Variants in KLHL32 observed in about 807,000 individuals in gnomAD.
The protein encoded by KLHL32 is kelch like family member 32.
Under a neutral mutation model 64.8 loss-of-function variants are expected in KLHL32, and 35 were observed. That is an observed-to-expected ratio of 0.54 (90% CI 0.41 to 0.72). KLHL32 has a LOEUF of 0.72. KLHL32 is among the 30% of genes least tolerant of loss of function. KLHL32 has a pLI of 0.00. For synonymous variants in KLHL32, 259 were observed against 281.0 expected, an observed-to-expected ratio of 0.92 and a Z score of 0.78; for missense variants, 589 against 768.5, an observed-to-expected ratio of 0.77 and a Z score of 2.76.
At position 97,094,322 on chromosome 6, in the gene KLHL32, C is replaced by G. The variant is rs77556005; in HGVS notation, c.627+8981C>G. On this transcript the variant is annotated intron_variant, in intron 6 of 10. Transcript: ENST00000369261. ...CAGAGGCTCTAGAATTATTTACATT[C>G]TAAGGAGATGTCAAGAGAAGCCTCA... Among the ~76,000 whole-genome samples, 182 of 152,188 alleles carry G rather than the reference C, an allele frequency of 1.2e-3. 4 individuals carry two copies. The East Asian group carries it at 0.03, about 25-fold the overall frequency.
chr6:97,092,894 T>C (rs1794468717), intron 6 of KLHL32, among the ~76,000 whole-genome samples: 1 of 152,220 alleles, frequency 6.6e-6, no homozygotes, highest in African/African-American at 2.4e-5. Context: ...GCAGTGATTA[T>C]CAGAAATTAC....
chr6:97,100,799 C>CTTTTTTT (rs763909891), intron 6 of KLHL32, among the ~76,000 whole-genome samples: 83 of 96,170 alleles, frequency 8.6e-4, no homozygotes, highest in Non-Finnish European at 1.0e-3. Context: ...GCTCATTATT[C>CTTTTTTT]TTTTTTTTTT....
chr6:97,025,694 A>T (rs1323943584), intron 3 of KLHL32, among the ~76,000 whole-genome samples: 1 of 152,218 alleles, frequency 6.6e-6, no homozygotes, highest in Non-Finnish European at 1.5e-5. Context: ...GCACCTGAGT[A>T]GGCACAGAAG....
rs929914321 is a variant in KLHL32 at position 97,140,524 on chromosome 6, A to C, written c.*1242A>C. Reference sequence around the variant, plus strand: ...TTTGTCTATAACAAAAAATAAATACAACAACTTAATAATCACATTTGAAAA... The same window carrying C: ...TTTGTCTATAACAAAAAATAAATACCACAACTTAATAATCACATTTGAAAA... On this transcript the variant is annotated 3_prime_UTR_variant, in exon 11 of 11. Coordinates refer to ENST00000369261, the MANE Select transcript of KLHL32 (RefSeq NM_052904.4). 6.6e-6 allele frequency: 1 copy of C among 152,060 alleles called. No individual in the cohort carries two copies. The highest frequency in any genetic ancestry group is 6.5e-5 in the Admixed American group (1 of 15,270). 9.4% of individuals were successfully genotyped at this position (152,060 alleles called of 1,614,324 possible).
chr6:97,018,520 G>A (rs1422200817), intron 3 of KLHL32, among the ~76,000 whole-genome samples: 1 of 150,828 alleles, frequency 6.6e-6, no homozygotes, highest in Non-Finnish European at 1.5e-5. Context: ...AGAATCGCCT[G>A]AACCAGGGAG....
chr6:96,949,305 T>C (rs1216835246), intron 1 of KLHL32, among the ~76,000 whole-genome samples: 1 of 150,154 alleles, frequency 6.7e-6, no homozygotes, highest in African/African-American at 2.5e-5. Flanking sequence ...TGAGTCTCCA[T>C]AGCTCCAGCT....
At chr6:96,971,478 A>C (rs1775095325) in intron 2 of KLHL32, among the ~76,000 whole-genome samples, 1 of 152,232 alleles carries the variant, frequency 6.6e-6, no homozygotes, top group South Asian at 2.1e-4. Context: ...TTCCAGAATG[A>C]AAGTTAAAGG....
chr6:97,010,040 A>G (rs1404818307), intron 3 of KLHL32, among the ~76,000 whole-genome samples: 2 of 151,594 alleles, frequency 1.3e-5, no homozygotes, highest in African/African-American at 4.8e-5. Flanking sequence ...AGAGGAAGGC[A>G]GAATAAACAA....
At chr6:97,019,131 T>A (rs1781641181) in intron 3 of KLHL32, among the ~76,000 whole-genome samples, 1 of 152,220 alleles carries the variant, frequency 6.6e-6, no homozygotes, top group African/African-American at 2.4e-5. Flanking sequence ...TAAAAAATAC[T>A]CTTAAAAGTC....
chr6:96,910,104 G>A, the KLHL32 span, among the ~76,000 whole-genome samples: 2 of 152,084 alleles, frequency 1.3e-5, no homozygotes, highest in African/African-American at 2.4e-5. Flanking sequence ...GGGAGTGGGC[G>A]CTGTAGCTGC....
chr6:96,935,001 G>A (rs1170236405), intron 1 of KLHL32, among the ~76,000 whole-genome samples: 1 of 152,204 alleles, frequency 6.6e-6, no homozygotes, highest in Non-Finnish European at 1.5e-5. Context: ...TAGGCATTTT[G>A]AAGAGATATG....
At chr6:96,968,490 GTGTC>G (rs1473608772) in intron 2 of KLHL32, among the ~76,000 whole-genome samples, 6 of 152,136 alleles carry the variant, frequency 3.9e-5, no homozygotes. Flanking sequence ...GGAGACCATG[GTGTC>G]TGTCTGTCAC....
At chr6:96,957,148 G>A (rs1349719784) in intron 1 of KLHL32, among the ~76,000 whole-genome samples, 1 of 152,178 alleles carries the variant, frequency 6.6e-6, no homozygotes, top group Admixed American at 6.5e-5. Flanking sequence ...ATGATTAATG[G>A]AAATGTATTA....
intron 1 of KLHL32, among the ~76,000 whole-genome samples, chr6:96,944,685 C>T (rs1771724489): frequency 6.6e-6 from 1 of 152,194 alleles, no homozygotes; most frequent in Non-Finnish European, 1.5e-5. Flanking sequence ...GGCTATATTA[C>T]TTGTTCAAGT....
At chr6:97,047,472 G>C (rs959100118) in intron 4 of KLHL32, among the ~76,000 whole-genome samples, 3 of 152,176 alleles carry the variant, frequency 2.0e-5, no homozygotes, top group Non-Finnish European at 2.9e-5. Context: ...AGCAAATGGT[G>C]ACATAAACTG....
At chr6:97,030,120 G>A (rs564469975) in intron 3 of KLHL32, among the ~76,000 whole-genome samples, 1 of 152,104 alleles carries the variant, frequency 6.6e-6, no homozygotes, top group East Asian at 1.9e-4. Flanking sequence ...AATGGGAGTC[G>A]CAGTGGTTTT....
rs1452996438 is a variant in KLHL32 at position 96,982,696 on chromosome 6, C to G, written c.204+6519C>G. Among the ~76,000 whole-genome samples, 3 of 152,214 alleles carry G rather than the reference C, an allele frequency of 2.0e-5. No individual in the cohort carries two copies. In the East Asian group the frequency reaches 5.8e-4, roughly 29 times the overall value. On this transcript the variant is annotated intron_variant, in intron 3 of 10. Transcript: ENST00000369261. Reference sequence around the variant, plus strand: ...GTTCTCTGTTTGTCTGTTACTGGTGCATAAGAATGCTTGTGATTTTTGCAC... The same window carrying G: ...GTTCTCTGTTTGTCTGTTACTGGTGGATAAGAATGCTTGTGATTTTTGCAC...
chr6:97,132,064 G>A (rs1799498792), intron 9 of KLHL32, among the ~76,000 whole-genome samples: 1 of 152,074 alleles, frequency 6.6e-6, no homozygotes, highest in Admixed American at 6.6e-5. Flanking sequence ...CATCATTTTG[G>A]CGTGTCAGCA....
At chr6:96,992,046 C>T (rs935369949) in intron 3 of KLHL32, among the ~76,000 whole-genome samples, 3 of 152,202 alleles carry the variant, frequency 2.0e-5, no homozygotes, top group African/African-American at 7.2e-5. Flanking sequence ...GCTGCGATGG[C>T]CGCAGTAGAG....
Sources: allele counts gnomAD v4.1 joint callset (sites outside exome capture counted in the v4.1 genomes callset), GRCh38; gene constraint gnomAD v4.1.1; transcripts MANE v1.5; gene names NCBI Gene and HGNC (gene_info 2026-07-23, HGNC 2026-07-21).